NAT14: variants seen among roughly 807,000 people sequenced by gnomAD.
The protein encoded by NAT14 is probable N-acetyltransferase 14.
NAT14 carries 14 observed loss-of-function variants against 12.1 expected under a neutral mutation model. The observed-to-expected ratio is 1.16, with a 90% CI of 0.76 to 1.81. The LOEUF (loss-of-function observed/expected upper bound fraction) is 1.81, where lower values mean the gene tolerates loss of function less well. NAT14 is among the 40% of genes most tolerant of loss of function. NAT14 has a pLI of 0.00. For synonymous variants in NAT14, 156 were observed against 145.1 expected, an observed-to-expected ratio of 1.08 and a Z score of -0.54; for missense variants, 341 against 304.3, an observed-to-expected ratio of 1.12 and a Z score of -0.90.
chr19:55,485,419 C>A (rs971514228), intron 1 of NAT14, among the ~76,000 whole-genome samples, 161 bp downstream of exon 1: 1 of 151,586 alleles, frequency 6.6e-6, no homozygotes, highest in African/African-American at 2.4e-5. Flanking sequence ...GCAGTGTTGG[C>A]GTCCGCAGCG....
At chr19:55,486,032 C>T in intron 2 of NAT14, 1 of 597,156 alleles carries the variant, frequency 1.7e-6, no homozygotes, top group Non-Finnish European at 3.0e-6. Context: ...GCTGTGCACG[C>T]CAGCACAACA....
At chr19:55,485,920 T>A (rs1986901396) in intron 2 of NAT14, 140 bp downstream of exon 2, 1 of 716,398 alleles carries the variant, frequency 1.4e-6, no homozygotes, top group African/African-American at 1.8e-5. Context: ...TCAGCCGCCC[T>A]GCTGCTGAAA....
intron 2 of NAT14, chr19:55,486,206 G>GCTCCTAATTCA: frequency 1.4e-6 from 1 of 690,934 alleles, no homozygotes; most frequent in South Asian, 2.7e-5. Flanking sequence ...TGCCCCCACA[G>GCTCCTAATTCA]CTCCTAATTC....
rs1268011550 is a variant in NAT14 at position 55,487,169 on chromosome 19, T to A, written c.*213T>A. On this transcript the variant is annotated 3_prime_UTR_variant, in exon 3 of 3. Transcript: ENST00000205194. The stretch of plus-strand genomic sequence containing the variant: ...TGTGTTTGAGCTTCTCAGAGTGGAA[T>A]GACTCCTTTTCCTTCCTGGCCCTCG... 6 of 716,518 alleles carry A rather than the reference T, an allele frequency of 8.4e-6. No homozygotes were observed. The highest frequency in any genetic ancestry group is 1.3e-5 in the Non-Finnish European group (6 of 471,584). 44.4% of individuals were successfully genotyped at this position (716,518 alleles called of 1,614,324 possible).
At chr19:55,485,400 C>T in intron 1 of NAT14, 142 bp downstream of exon 1, 2 of 348,908 alleles carry the variant, frequency 5.7e-6, no homozygotes, top group Non-Finnish European at 1.1e-5. Context: ...TGGGAGGGAG[C>T]CCCGTGCTGC....
rs768023874 is a variant in NAT14, at chr19:55,486,702, G to C, written c.367G>C (p.Ala123Pro). 21 of 1,423,172 alleles carry C rather than the reference G, an allele frequency of 1.5e-5. No homozygotes were observed. In the South Asian group the frequency reaches 3.2e-4, roughly 22 times the overall value. The allele number at this position is 1,423,172 out of a possible 1,614,324, so 88.2% of individuals were successfully genotyped here. A position where few individuals can be genotyped will look rare whatever the true frequency, so the allele number is the denominator to read the frequency against. ...CCCTGGCACAAATGCAGGGGACGGG[G>C]CCCGGGTCACCCGCCTGTCTGTCTC... ...LAPGTNAGDG[A>P]RVTRLSVSRW... Residue 123 changes from alanine (A) to proline (P), a missense_variant, in exon 3 of 3, where the codon GCC becomes CCC. By Grantham distance (27) the Ala-to-Pro change is conservative. Transcript: ENST00000205194.
chr19:55,487,091 TG>T lies in NAT14; in HGVS notation c.*136del, dbSNP rs1427822421. On this transcript the variant is annotated 3_prime_UTR_variant, in exon 3 of 3. Transcript: ENST00000205194. ...CACCCTGGGCCCAGAAACAGAGGCC[TG>T]CCGAGGGGAGGAGCCTGGCCTCTGT... 1.3e-5 allele frequency: 18 copies of T among 1,341,336 alleles called. No individual in the cohort carries two copies. Among genetic ancestry groups the T allele is most frequent in the Non-Finnish European group, 1.8e-5 (18 of 1,025,394 alleles). 83.1% of individuals were successfully genotyped at this position (1,341,336 alleles called of 1,614,324 possible).
At chr19:55,485,618 C>T (rs1986893732) in intron 1 of NAT14, 43 bp from the exon 2 acceptor site, 1 of 1,086,718 alleles carries the variant, frequency 9.2e-7, no homozygotes, top group African/African-American at 1.6e-5. Context: ...GCTTTGGGGA[C>T]AGAGGTGCCC....
At chr19:55,486,372 C>T in intron 2 of NAT14, 36 bp from the exon 3 acceptor site, 1 of 1,411,000 alleles carries the variant, frequency 7.1e-7, no homozygotes, top group Admixed American at 3.1e-5. Context: ...GAGGCCCTAG[C>T]GTTTCGGATG....
At chr19:55,486,055 C>T (rs1168721940) in intron 2 of NAT14, 19 of 588,624 alleles carry the variant, frequency 3.2e-5, no homozygotes, top group Non-Finnish European at 5.4e-5. Context: ...CAGCTCTGTG[C>T]CTCGGACCCC....
chr19:55,486,112 CCCTCCAGCCT>C, intron 2 of NAT14: 1 of 546,338 alleles, frequency 1.8e-6, no homozygotes, highest in South Asian at 2.7e-5. Context: ...CCAGCAGCCT[CCCTCCAGCCT>C]CCACTCCAGC....
chr19:55,486,813 G>T lies in NAT14; in HGVS notation c.478G>T (p.Glu160Ter). 2.0e-6 allele frequency: 3 copies of T among 1,496,484 alleles called. No homozygotes were observed. Among genetic ancestry groups the T allele is most frequent in the Non-Finnish European group, 2.7e-6 (3 of 1,129,514 alleles). The allele number at this position is 1,496,484 out of a possible 1,614,324, so 92.7% of individuals were successfully genotyped here. ...TCGGGCCTGGGCTGGGGGCATGGGG[G>T]AGCCCCGGGCCCGGCTCGTGGTCCC... is the stretch of plus-strand genomic sequence containing the variant. ...RARAWAGGMG[E>*]PRARLVVPVA... The change falls in exon 3 of 3, where the codon GAG (glutamate) becomes TAG (stop). Residue 160 changes from glutamate to a stop codon, truncating the protein, a stop_gained. Coordinates refer to ENST00000205194, the MANE Select transcript of NAT14 (RefSeq NM_020378.4). LOFTEE classifies it high-confidence loss of function.
In NAT14 at chr19:55,486,624, C is replaced by T; in HGVS notation, c.289C>T (p.Pro97Ser). 6.5e-7 allele frequency: 1 copy of T among 1,529,278 alleles called. No individual in the cohort carries two copies. 94.7% of individuals were successfully genotyped at this position (1,529,278 alleles called of 1,614,324 possible). A position where few individuals can be genotyped will look rare whatever the true frequency, so the allele number is the denominator to read the frequency against. Residue 97 changes from proline to serine, a missense_variant, in exon 3 of 3, where the codon CCC (proline) becomes TCC (serine). Pro to Ser is a moderately conservative substitution (Grantham distance 74, BLOSUM62 -1). Coordinates refer to ENST00000205194, the MANE Select transcript of NAT14 (RefSeq NM_020378.4). ...GCCTCCGCCGGGTGGCCTGGGGGGC[C>T]CCTGGGTGGCCGTGCGGGGCTCCGG... ...SLPPPGGLGG[P>S]WVAVRGSGDV...
Position 55,486,849 on chromosome 19 carries a change from G to A in NAT14, c.514G>A (p.Ala172Thr), listed in dbSNP as rs748927523. Reference sequence around the variant, plus strand: ...CCGGCTCGTGGTCCCCGTGGCTGTGGCCGCCTGGGGGGTGGGAGGGATGCT... The same window carrying A: ...CCGGCTCGTGGTCCCCGTGGCTGTGACCGCCTGGGGGGTGGGAGGGATGCT... ...RARLVVPVAVAAWGVGGMLEG... is the reference protein window; with the variant it reads ...RARLVVPVAVTAWGVGGMLEG... The change falls in exon 3 of 3, where the codon GCC becomes ACC. Residue 172 changes from alanine (A) to threonine (T), a missense_variant. Coordinates refer to ENST00000205194, the MANE Select transcript of NAT14 (RefSeq NM_020378.4). 263 of 1,524,712 alleles carry A rather than the reference G, an allele frequency of 1.7e-4. No individual in the cohort carries two copies. Among genetic ancestry groups the A allele is most frequent in the Non-Finnish European group, 3.1e-5 (35 of 1,142,600 alleles). The allele number at this position is 1,524,712 out of a possible 1,614,324, so 94.4% of individuals were successfully genotyped here.
At position 55,486,785 on chromosome 19, in the gene NAT14, G is replaced by A. The variant is rs1475809656; in HGVS notation, c.450G>A (p.Arg150=). The A allele has an allele frequency of 7.0e-7, 1 of 1,432,762 alleles. No individual in the cohort carries two copies. The highest frequency in any genetic ancestry group is 3.0e-5 in the Admixed American group (1 of 33,688). 88.8% of individuals were successfully genotyped at this position (1,432,762 alleles called of 1,614,324 possible). A position where few individuals can be genotyped will look rare whatever the true frequency, so the allele number is the denominator to read the frequency against. The change falls in exon 3 of 3, where the codon CGG becomes CGA. Residue 150 remains arginine (R), a synonymous_variant. Transcript: ENST00000205194. ...GGCTGCTGGCCTTCGCGGAGGCCCG[G>A]GCTCGGGCCTGGGCTGGGGGCATGG... ...GRRLLAFAEA[R]ARAWAGGMGE... is the part of the protein sequence containing the mutation.
chr19:55,486,393 C>A lies in NAT14; in HGVS notation c.73-15C>A. 3.5e-6 allele frequency: 5 copies of A among 1,433,880 alleles called. No homozygotes were observed. Among genetic ancestry groups the A allele is most frequent in the Non-Finnish European group, 9.1e-7 (1 of 1,099,494 alleles). 88.8% of individuals were successfully genotyped at this position (1,433,880 alleles called of 1,614,324 possible). A position where few individuals can be genotyped will look rare whatever the true frequency, so the allele number is the denominator to read the frequency against. ...CTAGCGTTTCGGATGGCTGAGCCAC[C>A]CCTCCTGCCCACAGGCCGGCGTGAA... On this transcript the variant is annotated splice_polypyrimidine_tract_variant and intron_variant, in intron 2 of 2. Coordinates refer to ENST00000205194, the MANE Select transcript of NAT14 (RefSeq NM_020378.4).
At chr19:55,486,322 A>C (rs928189599) in intron 2 of NAT14, 86 bp from the exon 3 acceptor site, 1 of 1,382,106 alleles carries the variant, frequency 7.2e-7, no homozygotes, top group East Asian at 2.9e-5. Flanking sequence ...GGGAGCTCTC[A>C]CCCCGCCCCG....
chr19:55,486,162 T>G, intron 2 of NAT14: 1 of 582,396 alleles, frequency 1.7e-6, no homozygotes, highest in Non-Finnish European at 2.9e-6. Flanking sequence ...CTTACTTCCC[T>G]GGGGCCTCAC....
chr19:55,485,810 G>A, intron 2 of NAT14, 30 bp downstream of exon 2: 1 of 1,502,580 alleles, frequency 6.7e-7, no homozygotes, highest in Non-Finnish European at 9.1e-7. Flanking sequence ...GGGGGCCTGG[G>A]AGTGGCTGCA....
Sources: allele counts gnomAD v4.1 joint callset (sites outside exome capture counted in the v4.1 genomes callset), GRCh38; gene constraint gnomAD v4.1.1; transcripts MANE v1.5; gene names NCBI Gene and HGNC (gene_info 2026-07-23, HGNC 2026-07-21).